MGAT4C: variants seen among roughly 807,000 people sequenced by gnomAD.
MGAT4C encodes the protein MGAT4 family member C.
Under a neutral mutation model 40.1 loss-of-function variants are expected in MGAT4C, and 19 were observed. The observed-to-expected ratio is 0.47, with a 90% CI of 0.33 to 0.70. MGAT4C has a LOEUF of 0.70. MGAT4C is among the 30% of genes least tolerant of loss of function. The pLI is 0.02. For missense variants in MGAT4C, 491 were observed against 563.2 expected (o/e 0.87, Z 1.30); for synonymous variants, 181 against 187.1 (o/e 0.97, Z 0.27).
chr12:86,585,290 G>T (rs2136439051), intron 2 of MGAT4C, among the ~76,000 whole-genome samples: 1 of 151,484 alleles, frequency 6.6e-6, no homozygotes, highest in African/African-American at 2.4e-5. Context: ...CTGGAAAAAT[G>T]ATTCCAAACT....
intron 3 of MGAT4C, among the ~76,000 whole-genome samples, chr12:86,334,834 C>T (rs542363271): frequency 3.2e-4 from 49 of 152,184 alleles, no homozygotes; most frequent in African/African-American, 1.2e-3. Context: ...ACTTCAAAGT[C>T]ATCAGTAATT....
At chr12:86,614,954 T>G (rs1221322524) in intron 2 of MGAT4C, among the ~76,000 whole-genome samples, 1 of 151,994 alleles carries the variant, frequency 6.6e-6, no homozygotes, top group Non-Finnish European at 1.5e-5. Context: ...GTATTGGGAT[T>G]ATGGGTATTA....
chr12:86,346,984 T>C (rs1205866817), intron 3 of MGAT4C, among the ~76,000 whole-genome samples: 1 of 152,172 alleles, frequency 6.6e-6, no homozygotes, highest in Non-Finnish European at 1.5e-5. Context: ...TTTGGACCCT[T>C]GGACTTACAC....
chr12:86,279,905 T>C lies in MGAT4C; in HGVS notation c.-57+54160A>G, dbSNP rs557486229. On this transcript the variant is annotated intron_variant, in intron 4 of 7. Transcript: ENST00000548651. ...TTCTTTGTGGGCCCATTCAGGAGCATACTGTTTAATTTCCATATGTTTGTA... is the reference window on the plus strand; with the variant it reads ...TTCTTTGTGGGCCCATTCAGGAGCACACTGTTTAATTTCCATATGTTTGTA... Among the ~76,000 whole-genome samples the C allele has an allele frequency of 2.5e-3, 379 of 152,162 alleles. 2 individuals carry two copies. Among genetic ancestry groups the C allele is most frequent in the Non-Finnish European group, 3.6e-3 (247 of 67,904 alleles).
chr12:86,007,301 C>T (rs938570686), intron 2 of MGAT4C, among the ~76,000 whole-genome samples: 1 of 152,080 alleles, frequency 6.6e-6, no homozygotes, highest in East Asian at 1.9e-4. Flanking sequence ...GCATCTTCCA[C>T]CTAGATGAGT....
In MGAT4C at chr12:86,115,723, C is replaced by T. The variant is rs185581022; in HGVS notation, c.-56-66000G>A. Among the ~76,000 whole-genome samples the T allele has an allele frequency of 2.4e-3, 371 of 151,874 alleles. 2 individuals are homozygous for T. The highest frequency in any genetic ancestry group is 8.6e-3 in the African/African-American group (357 of 41,440). Reference sequence around the variant, plus strand: ...GAAAAGAATACATTAGAAGGAAGATCGAAGAAATTCAAGATGTTTGTTCTG... The same window carrying T: ...GAAAAGAATACATTAGAAGGAAGATTGAAGAAATTCAAGATGTTTGTTCTG... On this transcript the variant is annotated intron_variant, in intron 1 of 4. Transcript: ENST00000611864.
At chr12:86,066,326 T>C (rs1037515671) in intron 1 of MGAT4C, among the ~76,000 whole-genome samples, 2 of 151,948 alleles carry the variant, frequency 1.3e-5, no homozygotes, top group Non-Finnish European at 2.9e-5. Context: ...AAGTCTACAG[T>C]AACCAAAACA....
At chr12:86,530,523 C>T (rs1958963234) in intron 2 of MGAT4C, among the ~76,000 whole-genome samples, 1 of 151,978 alleles carries the variant, frequency 6.6e-6, no homozygotes, top group African/African-American at 2.4e-5. Flanking sequence ...GCAACACTAA[C>T]TCTTGCAGGT....
intron 2 of MGAT4C, among the ~76,000 whole-genome samples, chr12:86,606,453 G>T (rs553628552): frequency 1.3e-5 from 2 of 152,154 alleles, no homozygotes; most frequent in East Asian, 3.9e-4. Flanking sequence ...AATACAGATT[G>T]CCATATTCTT....
intron 2 of MGAT4C, among the ~76,000 whole-genome samples, chr12:86,498,852 C>T (rs184262366): frequency 4.1e-4 from 62 of 151,946 alleles, no homozygotes; most frequent in African/African-American, 1.4e-3. Context: ...CATCGAATAA[C>T]ATCATGGGAC....
chr12:86,470,032 G>A lies in MGAT4C; in HGVS notation c.-228-34767C>T, dbSNP rs111832645. On this transcript the variant is annotated intron_variant, in intron 2 of 7. Coordinates refer to the MGAT4C transcript ENST00000548651. ...CTTTTAAAAGCCTAAATAGTATTCC[G>A]CTGTATGTATACACCACATTTTATT... is the stretch of plus-strand genomic sequence containing the variant. Among the ~76,000 whole-genome samples the A allele has an allele frequency of 3.3e-3, 501 of 152,012 alleles. 2 individuals are homozygous for A. Among genetic ancestry groups the A allele is most frequent in the African/African-American group, 0.012 (481 of 41,490 alleles).
chr12:86,161,958 C>T (rs1345144691), intron 1 of MGAT4C, among the ~76,000 whole-genome samples: 1 of 152,118 alleles, frequency 6.6e-6, no homozygotes, highest in Non-Finnish European at 1.5e-5. Context: ...TACCATCTCA[C>T]ACCAGTCAGA....
chr12:86,794,945 C>T (rs1009815621), intron 1 of MGAT4C, among the ~76,000 whole-genome samples: 1 of 151,854 alleles, frequency 6.6e-6, no homozygotes, highest in African/African-American at 2.4e-5. Flanking sequence ...GCACCCCATT[C>T]TGTTTGAATA....
At chr12:86,627,253 G>A (rs1010646294) in intron 2 of MGAT4C, among the ~76,000 whole-genome samples, 6 of 152,054 alleles carry the variant, frequency 3.9e-5, no homozygotes, top group Non-Finnish European at 7.4e-5. Flanking sequence ...ACAGCTCAGC[G>A]AGGCTCACCT....
In MGAT4C at chr12:85,957,496, T is replaced by C. The variant is rs1202746372; in HGVS notation, c.*21793A>G. 1 of 152,084 alleles carries C rather than the reference T, an allele frequency of 6.6e-6. No individual in the cohort carries two copies. Among genetic ancestry groups the C allele is most frequent in the Non-Finnish European group, 1.5e-5 (1 of 67,996 alleles). The allele number at this position is 152,084 out of a possible 1,614,324, so 9.4% of individuals were successfully genotyped here. A position where few individuals can be genotyped will look rare whatever the true frequency, so the allele number is the denominator to read the frequency against. ...GTTTGGGAGGTTGAGCAACAGACTTTGAGAGTTATTATTAAGCATGCTACA... is the reference window on the plus strand; with the variant it reads ...GTTTGGGAGGTTGAGCAACAGACTTCGAGAGTTATTATTAAGCATGCTACA... On this transcript the variant is annotated 3_prime_UTR_variant, in exon 5 of 5. Transcript: ENST00000611864.
intron 1 of MGAT4C, among the ~76,000 whole-genome samples, chr12:86,734,820 C>G (rs1377725655): frequency 6.6e-6 from 1 of 151,964 alleles, no homozygotes; most frequent in East Asian, 1.9e-4. Context: ...ACTGATGGGA[C>G]AGAGAGGCAG....
rs1957910427 is a variant in MGAT4C at position 86,480,290 on chromosome 12, AAT to A, written c.-228-45027_-228-45026del. On this transcript the variant is annotated intron_variant, in intron 2 of 7. Coordinates refer to the MGAT4C transcript ENST00000548651. ...GGAAACAAAATGAAACAAGAGAGGA[AAT>A]ATGTCTAGCTTTTAGGGCAATTTGG... is the stretch of plus-strand genomic sequence containing the variant. Among the ~76,000 whole-genome samples, 4 of 151,908 alleles carry A rather than the reference AAT, an allele frequency of 2.6e-5. 1 individual carries two copies. In the South Asian group the frequency reaches 8.3e-4, roughly 31 times the overall value.
intron 2 of MGAT4C, among the ~76,000 whole-genome samples, chr12:86,690,113 A>C (rs1950148925): frequency 6.6e-6 from 1 of 152,122 alleles, no homozygotes; most frequent in Admixed American, 6.5e-5. Flanking sequence ...TGTTTACACT[A>C]TTAGGGGAAA....
Position 86,180,461 on chromosome 12 carries a change from G to A in MGAT4C, c.-57+75778C>T, listed in dbSNP as rs150901888. Among the ~76,000 whole-genome samples, 395 of 152,250 alleles carry A rather than the reference G, an allele frequency of 2.6e-3. 1 individual carries two copies. Among genetic ancestry groups the A allele is most frequent in the African/African-American group, 8.6e-3 (356 of 41,558 alleles). ...GGTAGATACACAGACAGCTTGCACC[G>A]TGCACGTGGAAAAGCCTCAGACACT... On this transcript the variant is annotated intron_variant, in intron 1 of 4. Coordinates refer to ENST00000611864, the MANE Select transcript of MGAT4C (RefSeq NM_001351288.2).
Sources: gnomAD v4.1 joint callset for allele counts (sites outside exome capture counted in the v4.1 genomes callset) on GRCh38, gnomAD v4.1.1 for gene constraint, MANE v1.5 for transcripts, NCBI Gene and HGNC (gene_info 2026-07-23, HGNC 2026-07-21) for gene names.